The following NBEA variants were observed in gnomAD, a reference collection of about 807,000 sequenced individuals.
NBEA encodes the protein lysosomal-trafficking regulator 2.
Under a neutral mutation model 343.4 loss-of-function variants are expected in NBEA, and 44 were observed. The ratio of observed to expected loss-of-function variants is 0.13; its 90% CI spans 0.10 to 0.16. The LOEUF (loss-of-function observed/expected upper bound fraction) is 0.16. NBEA is among the 10% of genes least tolerant of loss of function. NBEA has a pLI of 1.00. For synonymous variants in NBEA, 1,175 were observed against 1,238.7 expected, an observed-to-expected ratio of 0.95 and a Z score of 1.08; for missense variants, 2,555 against 3,631.3, an observed-to-expected ratio of 0.70 and a Z score of 7.62.
At chr13:35,376,372 GT>G (rs2041742412) in intron 38 of NBEA, among the ~76,000 whole-genome samples, 1 of 148,514 alleles carries the variant, frequency 6.7e-6, no homozygotes, top group Non-Finnish European at 1.5e-5. Flanking sequence ...CACTGCTATA[GT>G]TTAAGGGTCT....
chr13:35,442,550 TAAG>T (rs1192802872), intron 39 of NBEA, among the ~76,000 whole-genome samples: 2 of 152,190 alleles, frequency 1.3e-5, no homozygotes, highest in African/African-American at 4.8e-5. Context: ...TTGACTCCAT[TAAG>T]AAGATTATTA....
intron 33 of NBEA, among the ~76,000 whole-genome samples, chr13:35,222,576 A>G (rs1158508764): frequency 6.6e-6 from 1 of 150,986 alleles, no homozygotes; most frequent in Non-Finnish European, 1.5e-5. Context: ...TTATTATTTC[A>G]TTTTCTCTCC....
intron 10 of NBEA, among the ~76,000 whole-genome samples, chr13:35,076,486 C>CT: frequency 6.6e-6 from 1 of 152,040 alleles, no homozygotes; most frequent in African/African-American, 2.4e-5. Flanking sequence ...TTTCAAATAG[C>CT]TTTTTCTTCT....
At chr13:35,303,179 A>T (rs1042444172) in intron 35 of NBEA, among the ~76,000 whole-genome samples, 5 of 152,122 alleles carry the variant, frequency 3.3e-5, no homozygotes, top group Admixed American at 3.3e-4. Context: ...ATACTTTTTC[A>T]TGTCTTCATG....
At chr13:35,261,930 G>A (rs778158554) in intron 34 of NBEA, among the ~76,000 whole-genome samples, 32 of 152,250 alleles carry the variant, frequency 2.1e-4, no homozygotes, top group Middle Eastern at 3.4e-3. Flanking sequence ...CATAAGTAAA[G>A]TGTTTAAAAG....
chr13:35,196,203 A>G lies in NBEA; in HGVS notation c.5267A>G (p.Glu1756Gly). 6.2e-7 allele frequency: 1 copy of G among 1,613,624 alleles called. No individual in the cohort carries two copies. The highest frequency in any genetic ancestry group is 1.1e-5 in the South Asian group (1 of 91,088). ...AAAAGTCTTGTGGCTGCTCCAGTTG[A>G]AATAGCAGAATGTGGCCCTGAACCT... ...ILKSLVAAPV[E>G]IAECGPEPIP... Residue 1756 changes from glutamate (E) to glycine (G), a missense_variant, in exon 31 of 59, where the codon GAA becomes GGA. Coordinates refer to ENST00000379939, the MANE Select transcript of NBEA (RefSeq NM_001385012.1).
intron 34 of NBEA, among the ~76,000 whole-genome samples, chr13:35,249,660 T>TA (rs2031716842): frequency 6.6e-6 from 1 of 152,138 alleles, no homozygotes; most frequent in South Asian, 2.1e-4. Flanking sequence ...TGGAAAACAG[T>TA]ATGGCATTTT....
chr13:35,644,952 T>C (rs891770679), intron 49 of NBEA, among the ~76,000 whole-genome samples: 2 of 152,352 alleles, frequency 1.3e-5, no homozygotes, highest in East Asian at 3.9e-4. Context: ...TCCCATTGCC[T>C]CTGCAGATAA....
chr13:35,533,420 G>A (rs1207877314), intron 41 of NBEA, among the ~76,000 whole-genome samples: 5 of 151,938 alleles, frequency 3.3e-5, no homozygotes, highest in South Asian at 4.1e-4. Flanking sequence ...TTTATAATAC[G>A]TATAATGAAA....
chr13:35,160,873 C>T (rs2069504666), intron 22 of NBEA, among the ~76,000 whole-genome samples: 1 of 152,016 alleles, frequency 6.6e-6, no homozygotes, highest in Admixed American at 6.6e-5. Context: ...ATACATTTAC[C>T]GTTAATGACT....
chr13:35,627,654 A>G (rs2083286660), intron 48 of NBEA, among the ~76,000 whole-genome samples: 1 of 152,172 alleles, frequency 6.6e-6, no homozygotes, highest in African/African-American at 2.4e-5. Context: ...ATAAATGTAT[A>G]TCAGAGTTTC....
chr13:35,064,995 G>A (rs956887632), intron 8 of NBEA, among the ~76,000 whole-genome samples: 5 of 149,326 alleles, frequency 3.3e-5, no homozygotes, highest in Admixed American at 6.8e-5. Context: ...TGTTGTGAGC[G>A]CACACAGTCA....
At chr13:35,402,698 G>A (rs1958975712) in intron 38 of NBEA, among the ~76,000 whole-genome samples, 1 of 152,082 alleles carries the variant, frequency 6.6e-6, no homozygotes, top group South Asian at 2.1e-4. Flanking sequence ...AGATGTGTTT[G>A]ATAACTTTTT....
At chr13:35,277,255 G>T (rs527599841) in intron 34 of NBEA, among the ~76,000 whole-genome samples, 1 of 152,034 alleles carries the variant, frequency 6.6e-6, no homozygotes, top group Non-Finnish European at 1.5e-5. Context: ...TTTAAACCTG[G>T]CAGAGACCAG....
rs1403108268 is a variant in NBEA, at chr13:35,670,903, C to T, written c.8816C>T (p.Thr2939Ile). Residue 2939 changes from threonine to isoleucine, a missense_variant and splice_region_variant, in exon 59 of 59, where the codon ACT (threonine) becomes ATT (isoleucine). By Grantham distance (89) the Thr-to-Ile change is moderately conservative (BLOSUM62 -1). Around this residue, in one of 21 missense-constraint regions of NBEA, gnomAD observed 186 missense variants for 328.9 expected, o/e 0.57. Coordinates refer to ENST00000379939, the MANE Select transcript of NBEA (RefSeq NM_001385012.1). ...AACTGCTGTTTCTGCTTTTCCAGGA[C>T]TCTGATCACTGGCATGGCTTCTGGT... ...RAMDLSHDQR[T>I]LITGMASGSI... The T allele has an allele frequency of 1.9e-6, 3 of 1,589,872 alleles. No individual in the cohort carries two copies. Among genetic ancestry groups the T allele is most frequent in the Non-Finnish European group, 2.6e-6 (3 of 1,165,892 alleles).
intron 1 of NBEA, among the ~76,000 whole-genome samples, chr13:34,952,132 GGTTCCAAAGCTAGA>G (rs1037834558): frequency 6.6e-6 from 1 of 152,158 alleles, no homozygotes; most frequent in Non-Finnish European, 1.5e-5. Context: ...CAGACCTTCA[GGTTCCAAAGCTAGA>G]GTTCTTTCCC....
chr13:35,165,689 CT>C (rs577851529), intron 24 of NBEA, among the ~76,000 whole-genome samples: 12,564 of 134,680 alleles, frequency 0.093, 521 homozygotes, highest in South Asian at 0.13. Context: ...CTTTTCTTTT[CT>C]TTTTTTTTTT....
chr13:34,999,979 C>T (rs935855402), intron 1 of NBEA, among the ~76,000 whole-genome samples: 1 of 152,134 alleles, frequency 6.6e-6, no homozygotes, highest in Non-Finnish European at 1.5e-5. Flanking sequence ...TATCTTCCTT[C>T]TGTCTGTCTA....
chr13:35,095,580 T>C (rs1179215821), intron 10 of NBEA, among the ~76,000 whole-genome samples: 1 of 151,784 alleles, frequency 6.6e-6, no homozygotes, highest in East Asian at 1.9e-4. Context: ...TACAAGGTGG[T>C]AATTATTTTT....
Sources: allele counts gnomAD v4.1 joint callset (sites outside exome capture counted in the v4.1 genomes callset), GRCh38; gene constraint gnomAD v4.1.1; regional missense constraint gnomAD v4.1.1; transcripts MANE v1.5; gene names NCBI Gene and HGNC (gene_info 2026-07-23, HGNC 2026-07-21).